Variants in CYP19A1 observed in about 807,000 individuals in gnomAD.
CYP19A1 encodes cytochrome P450 family 19 subfamily A member 1.
Under a neutral mutation model 44.4 loss-of-function variants are expected in CYP19A1, and 32 were observed. The observed-to-expected ratio is 0.72, with a 90% CI of 0.54 to 0.97. The LOEUF is 0.97. CYP19A1 is among the 50% of genes least tolerant of loss of function. CYP19A1 has a pLI of 0.00. For synonymous variants in CYP19A1, 212 were observed against 215.6 expected, an observed-to-expected ratio of 0.98 and a Z score of 0.14; for missense variants, 598 against 637.8, an observed-to-expected ratio of 0.94 and a Z score of 0.67.
intron 1 of CYP19A1, among the ~76,000 whole-genome samples, chr15:51,333,026 T>C (rs1870049): frequency 0.21 from 32,078 of 152,110 alleles, 4,779 homozygotes; most frequent in African/African-American, 0.42. Flanking sequence ...TAACTACTAC[T>C]TTTCTTTCCT....
intron 1 of CYP19A1, among the ~76,000 whole-genome samples, chr15:51,262,435 C>T (rs1392956355): frequency 2.0e-5 from 3 of 152,154 alleles, no homozygotes; most frequent in African/African-American, 7.2e-5. Flanking sequence ...GAGGTGGTCT[C>T]AGCACTCTCT....
chr15:51,226,433 A>G (rs544757083), intron 4 of CYP19A1, among the ~76,000 whole-genome samples: 1 of 152,318 alleles, frequency 6.6e-6, no homozygotes, highest in Admixed American at 6.5e-5. Flanking sequence ...GTTTGTGGCA[A>G]TTTGTTACAG....
intron 1 of CYP19A1, among the ~76,000 whole-genome samples, chr15:51,333,568 C>G (rs2036733601): frequency 6.6e-6 from 1 of 152,208 alleles, no homozygotes; most frequent in South Asian, 2.1e-4. Context: ...GTCACATTTT[C>G]TAGAACTCAG....
At chr15:51,333,918 CT>C (rs952171050) in intron 1 of CYP19A1, among the ~76,000 whole-genome samples, 4 of 151,406 alleles carry the variant, frequency 2.6e-5, no homozygotes, top group East Asian at 1.9e-4. Flanking sequence ...CCCAAATTCA[CT>C]TTTTTTTTAG....
At chr15:51,329,149 TC>T (rs1566928055) in intron 1 of CYP19A1, among the ~76,000 whole-genome samples, 1 of 152,144 alleles carries the variant, frequency 6.6e-6, no homozygotes, top group Non-Finnish European at 1.5e-5. Context: ...ACTAATACAC[TC>T]CCACACAAGT....
At chr15:51,270,501 T>A (rs1356255744) in intron 1 of CYP19A1, among the ~76,000 whole-genome samples, 1 of 152,092 alleles carries the variant, frequency 6.6e-6, no homozygotes, top group Non-Finnish European at 1.5e-5. Context: ...GCTGAAGAAA[T>A]CTCATACTCC....
rs555917326 is a variant in CYP19A1 at position 51,267,536 on chromosome 15, C to T, written c.-38-24586G>A. 8.5e-5 allele frequency among the ~76,000 whole-genome samples: 13 copies of T among 152,266 alleles called. No homozygotes were observed. In the South Asian group the frequency reaches 2.5e-3, roughly 29 times the overall value. ...GCTGTACGCCGAGGTCTGCGCCGCCCCCACGTCCGTGGCCGGCCACTGCCC... is the reference window on the plus strand; with the variant it reads ...GCTGTACGCCGAGGTCTGCGCCGCCTCCACGTCCGTGGCCGGCCACTGCCC... On this transcript the variant is annotated intron_variant, in intron 1 of 9. Transcript: ENST00000396402.
intron 1 of CYP19A1, among the ~76,000 whole-genome samples, chr15:51,327,749 G>A (rs890262740): frequency 2.6e-5 from 4 of 151,870 alleles, no homozygotes; most frequent in African/African-American, 7.3e-5. Flanking sequence ...ACAAGACTCC[G>A]TCTCAGAAAA....
rs752637134 is a variant in CYP19A1 at position 51,212,485 on chromosome 15, G to A, written c.1098C>T (p.Tyr366=). The change falls in exon 9 of 10, where the codon TAC becomes TAT. Residue 366 remains tyrosine (Y), a synonymous_variant. Coordinates refer to ENST00000396402, the MANE Select transcript of CYP19A1 (RefSeq NM_000103.4). ...GCATGACCAAGTCCACGACAGGCTG[G>A]TACCGCATGCTCTCATAAATGAAGT... is the stretch of plus-strand genomic sequence containing the variant. ...MENFIYESMR[Y]QPVVDLVMRK... 6.3e-7 allele frequency: 1 copy of A among 1,597,680 alleles called. No individual in the cohort carries two copies. The highest frequency in any genetic ancestry group is 8.6e-7 in the Non-Finnish European group (1 of 1,165,036).
At chr15:51,289,117 CT>C (rs564481952) in intron 1 of CYP19A1, among the ~76,000 whole-genome samples, 20 of 152,282 alleles carry the variant, frequency 1.3e-4, no homozygotes, top group Admixed American at 6.5e-4. Flanking sequence ...GTACAGGTCC[CT>C]GAGAAGCAGA....
At chr15:51,285,213 C>G (rs954064367) in intron 1 of CYP19A1, among the ~76,000 whole-genome samples, 6 of 152,166 alleles carry the variant, frequency 3.9e-5, no homozygotes, top group Non-Finnish European at 5.9e-5. Context: ...AGTATCATTG[C>G]CCCCATTCAG....
intron 1 of CYP19A1, among the ~76,000 whole-genome samples, chr15:51,271,043 A>T (rs1225721558): frequency 6.7e-6 from 1 of 148,754 alleles, no homozygotes; most frequent in Non-Finnish European, 1.5e-5. Context: ...AAGTCTAAGC[A>T]TTTTTTTTTT....
chr15:51,215,574 G>A, intron 7 of CYP19A1, 129 bp downstream of exon 7: 2 of 1,557,010 alleles, frequency 1.3e-6, no homozygotes, highest in Non-Finnish European at 1.7e-6. Context: ...TTTGGATTGG[G>A]ATTACAGAAC....
At chr15:51,326,528 C>A (rs2036610928) in intron 1 of CYP19A1, among the ~76,000 whole-genome samples, 1 of 152,154 alleles carries the variant, frequency 6.6e-6, no homozygotes, top group Non-Finnish European at 1.5e-5. Context: ...TCTAGACTTT[C>A]AATTTTCTTT....
chr15:51,214,930 A>C, intron 8 of CYP19A1, 140 bp downstream of exon 8: 2 of 1,333,440 alleles, frequency 1.5e-6, no homozygotes, highest in Non-Finnish European at 2.0e-6. Flanking sequence ...GTGTAATCAA[A>C]TGTGACAGAA....
intron 1 of CYP19A1, among the ~76,000 whole-genome samples, chr15:51,299,506 C>G (rs141082852): frequency 1.3e-5 from 2 of 152,210 alleles, no homozygotes; most frequent in Admixed American, 1.3e-4. Flanking sequence ...TTGGTCAGGA[C>G]AGCTGGAGAA....
chr15:51,218,984 C>T (rs1329788389), intron 5 of CYP19A1, among the ~76,000 whole-genome samples: 2 of 152,164 alleles, frequency 1.3e-5, no homozygotes, highest in Non-Finnish European at 1.5e-5. Context: ...TTTCTCTGTA[C>T]AAATGGAACT....
At chr15:51,337,341 C>CT (rs1348122081) in intron 1 of CYP19A1, among the ~76,000 whole-genome samples, 2 of 152,338 alleles carry the variant, frequency 1.3e-5, no homozygotes, top group South Asian at 4.1e-4. Flanking sequence ...CAGTGTAAGT[C>CT]TCAGCCAGTT....
At chr15:51,238,018 A>G (rs2033517684) in intron 2 of CYP19A1, among the ~76,000 whole-genome samples, 1 of 152,222 alleles carries the variant, frequency 6.6e-6, no homozygotes, top group Non-Finnish European at 1.5e-5. Flanking sequence ...AATAATATAC[A>G]TAGTGTAAGC....
Sources: allele counts gnomAD v4.1 joint callset (sites outside exome capture counted in the v4.1 genomes callset), GRCh38; gene constraint gnomAD v4.1.1; transcripts MANE v1.5; gene names NCBI Gene and HGNC (gene_info 2026-07-23, HGNC 2026-07-21).